The following SV2C variants were observed in gnomAD, a reference collection of about 807,000 sequenced individuals.
SV2C encodes solute carrier family 22 member B3.
A neutral mutation model predicts 79.7 loss-of-function variants in SV2C; 49 were observed. The ratio of observed to expected loss-of-function variants is 0.61; its 90% CI spans 0.49 to 0.78. The LOEUF is 0.78. Ranked by LOEUF, SV2C falls within the 30% of genes least tolerant of loss-of-function variation. The probability of loss-of-function intolerance (pLI) is 0.00; values close to 1 mark genes in which losing one functional copy is unlikely to be tolerated. For missense variants in SV2C, 833 were observed against 912.9 expected, an observed-to-expected ratio of 0.91 and a Z score of 1.13; for synonymous variants, 334 against 333.2, an observed-to-expected ratio of 1.00 and a Z score of -0.03.
At chr5:75,912,177 G>C in the SV2C span, among the ~76,000 whole-genome samples, 1 of 140,794 alleles carries the variant, frequency 7.1e-6, no homozygotes, top group African/African-American at 2.5e-5. Flanking sequence ...AAAAGCAAAA[G>C]CATCTATAGA....
At chr5:76,106,437 T>C (rs1747920083) in intron 1 of SV2C, among the ~76,000 whole-genome samples, 1 of 152,162 alleles carries the variant, frequency 6.6e-6, no homozygotes, top group Non-Finnish European at 1.5e-5. Flanking sequence ...ATGTCCCTTC[T>C]CTGTGCAAAT....
chr5:75,931,424 T>C, the SV2C span, among the ~76,000 whole-genome samples: 1 of 152,244 alleles, frequency 6.6e-6, no homozygotes, highest in Admixed American at 6.5e-5. Flanking sequence ...TCCAGAATAC[T>C]ATGTTTCAAG....
intron 1 of SV2C, among the ~76,000 whole-genome samples, chr5:76,091,013 G>A (rs1054621122): frequency 1.8e-4 from 27 of 152,034 alleles, no homozygotes; most frequent in African/African-American, 6.0e-4. Flanking sequence ...TTCTAAGCAC[G>A]CCAATTTTCT....
chr5:76,351,787 C>T (rs191799681), intron 12 of SV2C, among the ~76,000 whole-genome samples: 23 of 152,282 alleles, frequency 1.5e-4, no homozygotes, highest in Admixed American at 1.5e-3. Context: ...CTAGCCAGAC[C>T]GTGTCTCCTG....
At chr5:76,199,751 G>A (rs1030518304) in intron 3 of SV2C, among the ~76,000 whole-genome samples, 2 of 152,212 alleles carry the variant, frequency 1.3e-5, no homozygotes, top group Admixed American at 1.3e-4. Flanking sequence ...TAGATAGGAA[G>A]CCTACTCAAT....
intron 4 of SV2C, among the ~76,000 whole-genome samples, chr5:76,264,071 A>G (rs1348449203): frequency 6.6e-6 from 1 of 152,082 alleles, no homozygotes; most frequent in South Asian, 2.1e-4. Context: ...AGGGACTCCA[A>G]TCAATTGTAA....
intron 4 of SV2C, among the ~76,000 whole-genome samples, chr5:76,275,001 T>C (rs1259569043): frequency 6.6e-6 from 1 of 152,204 alleles, no homozygotes; most frequent in Non-Finnish European, 1.5e-5. Context: ...AAATTTTAGT[T>C]GGCCAGGTGC....
At chr5:76,295,540 T>A (rs998402057) in intron 8 of SV2C, among the ~76,000 whole-genome samples, 2 of 152,194 alleles carry the variant, frequency 1.3e-5, no homozygotes, top group African/African-American at 4.8e-5. Context: ...AAGGAAGGGT[T>A]TAGGAATTAC....
chr5:75,888,087 G>A, the SV2C span, among the ~76,000 whole-genome samples: 1 of 151,934 alleles, frequency 6.6e-6, no homozygotes, highest in African/African-American at 2.4e-5. Context: ...TCGAAAATAG[G>A]ATCTCATAAT....
intron 4 of SV2C, among the ~76,000 whole-genome samples, chr5:76,246,357 G>A (rs1464176042): frequency 1.3e-5 from 2 of 152,078 alleles, no homozygotes; most frequent in Non-Finnish European, 2.9e-5. Flanking sequence ...AGTGATTATC[G>A]GTAACATATA....
At chr5:76,073,963 A>G in the SV2C span, among the ~76,000 whole-genome samples, 1 of 152,330 alleles carries the variant, frequency 6.6e-6, no homozygotes, top group East Asian at 1.9e-4. Flanking sequence ...GGGTATGCCA[A>G]TTAGCCCAGA....
the SV2C span, among the ~76,000 whole-genome samples, chr5:75,934,529 A>C: frequency 6.6e-6 from 1 of 151,776 alleles, no homozygotes; most frequent in Non-Finnish European, 1.5e-5. Flanking sequence ...CTCGTGATCC[A>C]CCTGCCTCGG....
chr5:76,110,230 G>A (rs184313874), intron 1 of SV2C, among the ~76,000 whole-genome samples: 155 of 152,246 alleles, frequency 1.0e-3, no homozygotes, highest in African/African-American at 3.4e-3. Context: ...GGGCTGGTGG[G>A]GGCAGAGGCA....
At chr5:76,185,977 C>T (rs564836913) in intron 2 of SV2C, among the ~76,000 whole-genome samples, 1 of 152,176 alleles carries the variant, frequency 6.6e-6, no homozygotes, top group African/African-American at 2.4e-5. Context: ...GGCTTAGAAA[C>T]TTCTTCCACC....
chr5:75,973,874 A>G, the SV2C span, among the ~76,000 whole-genome samples: 1 of 151,994 alleles, frequency 6.6e-6, no homozygotes, highest in South Asian at 2.1e-4. Context: ...GAAATTGAGA[A>G]CATTTCTGCC....
the SV2C span, among the ~76,000 whole-genome samples, chr5:75,916,408 T>C: frequency 7.9e-6 from 1 of 127,134 alleles, no homozygotes; most frequent in Non-Finnish European, 1.6e-5. Flanking sequence ...TTCCTCCTCC[T>C]CCTCCTCCAC....
the SV2C span, among the ~76,000 whole-genome samples, chr5:75,963,021 T>C: frequency 1.2e-3 from 184 of 152,158 alleles, no homozygotes; most frequent in African/African-American, 4.2e-3. Flanking sequence ...CACACTGTGA[T>C]GTGACTTACA....
chr5:76,070,015 A>C, the SV2C span, among the ~76,000 whole-genome samples: 1 of 152,110 alleles, frequency 6.6e-6, no homozygotes. Context: ...GTGCTGGCTT[A>C]TCACTTATTC....
the SV2C span, among the ~76,000 whole-genome samples, chr5:75,879,021 G>A: frequency 6.6e-6 from 1 of 152,270 alleles, no homozygotes; most frequent in Non-Finnish European, 1.5e-5. Context: ...GATGGTGGAT[G>A]TGTCACTTTT....
Sources: allele counts gnomAD v4.1 joint callset (sites outside exome capture counted in the v4.1 genomes callset), GRCh38; gene constraint gnomAD v4.1.1; transcripts MANE v1.5; gene names NCBI Gene and HGNC (gene_info 2026-07-23, HGNC 2026-07-21).